SHBG: variants seen among roughly 807,000 people sequenced by gnomAD.
The protein encoded by SHBG is sex hormone binding globulin.
Under a neutral mutation model 41.9 loss-of-function variants are expected in SHBG, and 37 were observed. That is an observed-to-expected ratio of 0.88 (90% CI 0.68 to 1.16). The LOEUF is 1.16. Ranked by LOEUF, SHBG falls within the 50% of genes most tolerant of loss-of-function variation. SHBG has a pLI of 0.00. For missense variants in SHBG, 466 were observed against 499.9 expected (o/e 0.93, Z 0.65); for synonymous variants, 217 against 205.8 (o/e 1.05, Z -0.47).
chr17:7,614,199 A>G, intron 1 of SHBG: 1 of 676,372 alleles, frequency 1.5e-6, no homozygotes, highest in Non-Finnish European at 2.7e-6. Context: ...CAAGCCAGGG[A>G]CAATAATGGC....
upstream of SHBG, chr17:7,627,018 A>G (rs2072232822): frequency 1.9e-6 from 3 of 1,613,844 alleles, no homozygotes; most frequent in South Asian, 1.1e-5. The surrounding 1 kb of genome is among the most constrained non-coding windows in gnomAD (Gnocchi z 4.8). Flanking sequence ...ATGAAATAGT[A>G]TATCCCATAG....
chr17:7,615,946 A>C (rs1364732904), intron 1 of SHBG, among the ~76,000 whole-genome samples: 1 of 151,702 alleles, frequency 6.6e-6, no homozygotes, highest in Non-Finnish European at 1.5e-5. Context: ...CAGGCGGTGG[A>C]TCACTTGAGC....
intron 3 of SHBG, 127 bp from the exon 4 acceptor site, chr17:7,631,073 C>A: frequency 9.2e-7 from 1 of 1,082,326 alleles, no homozygotes; most frequent in Non-Finnish European, 1.3e-6. Context: ...GCTGAGTGAC[C>A]CAAGGCCAAG....
chr17:7,615,371 A>AG (rs1299901459), intron 1 of SHBG, among the ~76,000 whole-genome samples: 4 of 152,142 alleles, frequency 2.6e-5, no homozygotes, highest in Non-Finnish European at 4.4e-5. Context: ...AGTCGCCGCA[A>AG]GGAAAAAGGT....
upstream of SHBG, chr17:7,627,155 C>T (rs780474073): frequency 6.2e-6 from 10 of 1,614,080 alleles, no homozygotes; most frequent in South Asian, 1.1e-5. This position sits in a 1 kb window ranked among gnomAD's most constrained non-coding sequence, Gnocchi z 4.8. Context: ...AGTAGCTTCC[C>T]GGGCGCTGGA....
At chr17:7,627,770 A>G (rs116289877), upstream of SHBG, 7,002 of 985,874 alleles carry the variant, frequency 7.1e-3, 303 homozygotes, top group African/African-American at 0.099. This position sits in a 1 kb window ranked among gnomAD's most constrained non-coding sequence, Gnocchi z 4.8. Flanking sequence ...ACGGCGGGGT[A>G]GCCGCGGCCT....
chr17:7,632,948 G>A lies in SHBG; in HGVS notation c.1049G>A (p.Gly350Glu), dbSNP rs559562443. ...WAKPQGRLFL[G>E]ALPGEDSSTS... ...AAGCCTCAAGGGCGTCTCTTCCTGG[G>A]GGCTTTACCAGGTAAGAGAGAATGA... Residue 350 changes from glycine to glutamate, a missense_variant, in exon 7 of 8, where the codon GGG (glycine) becomes GAG (glutamate). Gly to Glu is a moderately conservative substitution (Grantham distance 98). Coordinates refer to ENST00000380450, the MANE Select transcript of SHBG (RefSeq NM_001040.5). The A allele has an allele frequency of 6.2e-7, 1 of 1,613,574 alleles. No individual in the cohort carries two copies. Among genetic ancestry groups the A allele is most frequent in the Non-Finnish European group, 8.5e-7 (1 of 1,179,672 alleles).
chr17:7,619,131 C>G (rs910695146), intron 1 of SHBG, among the ~76,000 whole-genome samples: 3 of 152,120 alleles, frequency 2.0e-5, no homozygotes, highest in Admixed American at 1.3e-4. Context: ...TGGCTCACAC[C>G]TGTAATCCCA....
chr17:7,627,710 A>T (rs764537920), upstream of SHBG: 1 of 1,547,154 alleles, frequency 6.5e-7, no homozygotes, highest in Non-Finnish European at 8.9e-7. This position sits in a 1 kb window ranked among gnomAD's most constrained non-coding sequence, Gnocchi z 4.8. Flanking sequence ...GGGCCTACGG[A>T]CTTGGATCCT....
At chr17:7,629,406 TAAAATAAA>T (rs2072328288), upstream of SHBG, among the ~76,000 whole-genome samples, 1 of 151,632 alleles carries the variant, frequency 6.6e-6, no homozygotes, top group African/African-American at 2.4e-5. Context: ...TAAAATAAAA[TAAAATAAA>T]ATGGGTCAGG....
chr17:7,619,090 A>G (rs1365128194), intron 1 of SHBG, among the ~76,000 whole-genome samples: 1 of 152,144 alleles, frequency 6.6e-6, no homozygotes, highest in Non-Finnish European at 1.5e-5. Context: ...TCGTATAATC[A>G]TAATAATCAT....
intron 4 of SHBG, 60 bp downstream of exon 4, chr17:7,631,421 T>C: frequency 6.3e-7 from 1 of 1,593,712 alleles, no homozygotes; most frequent in Non-Finnish European, 8.6e-7. Context: ...GCTGGGTGGC[T>C]GGCCGTGGGA....
chr17:7,627,582 C>T, upstream of SHBG: 1 of 1,611,520 alleles, frequency 6.2e-7, no homozygotes, highest in Non-Finnish European at 8.5e-7. This position sits in a 1 kb window ranked among gnomAD's most constrained non-coding sequence, Gnocchi z 4.8. Flanking sequence ...GAATCAGCCT[C>T]AGGATATCTC....
Position 7,631,263 on chromosome 17 carries a change from C to G in SHBG, c.457C>G (p.Leu153Val). The change falls in exon 4 of 8, where the codon CTG becomes GTG. Residue 153 changes from leucine (L) to valine (V), a missense_variant. Leu to Val is a conservative substitution (Grantham distance 32). Transcript: ENST00000380450. The part of the protein sequence containing the change: ...LEVDGEEVLR[L>V]RQVSGPLTSK... ...GGTGGATGGGGAGGAGGTGCTGCGC[C>G]TGAGACAGGTCTCTGGGCCCCTGAC... 6.2e-7 allele frequency: 1 copy of G among 1,611,484 alleles called. No homozygotes were observed. Among genetic ancestry groups the G allele is most frequent in the Admixed American group, 1.7e-5 (1 of 59,672 alleles).
At chr17:7,629,004 C>T (rs1032488650), upstream of SHBG, among the ~76,000 whole-genome samples, 5 of 151,902 alleles carry the variant, frequency 3.3e-5, no homozygotes, top group Non-Finnish European at 7.4e-5. Flanking sequence ...TACAGTGAGC[C>T]GAGATCGTGC....
chr17:7,633,311 T>C lies in SHBG; in HGVS notation c.1168T>C (p.Cys390Arg). The C allele has an allele frequency of 6.2e-7, 1 of 1,614,206 alleles. No individual in the cohort carries two copies. The highest frequency in any genetic ancestry group is 8.5e-7 in the Non-Finnish European group (1 of 1,180,034). Reference sequence around the variant, plus strand: ...AAGCCATGAGATCTGGACTCACAGCTGCCCCCAGAGCCCAGGCAATGGCAC... The same window carrying C: ...AAGCCATGAGATCTGGACTCACAGCCGCCCCCAGAGCCCAGGCAATGGCAC... ...NRSHEIWTHS[C>R]PQSPGNGTDA... The change falls in exon 8 of 8, where the codon TGC becomes CGC. Residue 390 changes from cysteine (C) to arginine (R), a missense_variant. By Grantham distance (180) the Cys-to-Arg change is radical. Transcript: ENST00000380450.
chr17:7,627,346 G>A, upstream of SHBG: 1 of 1,614,128 alleles, frequency 6.2e-7, no homozygotes, highest in Non-Finnish European at 8.5e-7. The surrounding 1 kb of genome is among the most constrained non-coding windows in gnomAD (Gnocchi z 4.8). Context: ...GCCAGAACCT[G>A]GGCGCTGAGC....
In SHBG at chr17:7,631,959, C is replaced by T; in HGVS notation, c.796C>T (p.Leu266Phe). The change falls in exon 6 of 8, where the codon CTT becomes TTT. Residue 266 changes from leucine to phenylalanine, a missense_variant. Transcript: ENST00000380450. ...LKQAAGSGHL[L>F]ALGTPENPSW... ...GCAGGCAGCAGGCTCAGGCCACCTC[C>T]TTGCTCTTGGGACACCAGAGAACCC... 1 of 1,614,074 alleles carries T rather than the reference C, an allele frequency of 6.2e-7. No individual in the cohort carries two copies. The highest frequency in any genetic ancestry group is 8.5e-7 in the Non-Finnish European group (1 of 1,180,002).
chr17:7,622,701 GAT>G (rs2072119923), intron 1 of SHBG, among the ~76,000 whole-genome samples: 1 of 152,030 alleles, frequency 6.6e-6, no homozygotes, highest in Non-Finnish European at 1.5e-5. Flanking sequence ...ATATTAGTAA[GAT>G]CTGGGACCAA....
Sources: gnomAD v4.1 joint callset for allele counts (sites outside exome capture counted in the v4.1 genomes callset) on GRCh38, gnomAD v4.1.1 for gene constraint, Gnocchi (gnomAD v3.1) non-coding constraint, MANE v1.5 for transcripts, NCBI Gene and HGNC (gene_info 2026-07-23, HGNC 2026-07-21) for gene names.